Variants in LGI2 observed in about 807,000 individuals in gnomAD.
The protein encoded by LGI2 is leucine rich repeat LGI family member 2.
LGI2 carries 30 observed loss-of-function variants against 52.0 expected under a neutral mutation model. The observed-to-expected ratio is 0.58, with a 90% CI of 0.43 to 0.78. The LOEUF (loss-of-function observed/expected upper bound fraction) is 0.78. Ranked by LOEUF, LGI2 falls within the 30% of genes least tolerant of loss-of-function variation. LGI2 has a pLI of 0.00. For synonymous variants in LGI2, 270 were observed against 271.8 expected (o/e 0.99, Z 0.06); for missense variants, 573 against 692.5 (o/e 0.83, Z 1.94).
rs553432858 is a variant in LGI2, at chr4:25,008,791, G to A, written c.820+3544C>T. 8.5e-5 allele frequency among the ~76,000 whole-genome samples: 13 copies of A among 152,240 alleles called. No individual in the cohort carries two copies. The South Asian group carries it at 1.0e-3, about 12-fold the overall frequency. ...AGGCTTGGTGGTAAAAAGAGGAGCC[G>A]GGTGGGCTTCATGTCATGCCGCCAA... On this transcript the variant is annotated intron_variant, in intron 7 of 7. Coordinates refer to ENST00000382114, the MANE Select transcript of LGI2 (RefSeq NM_018176.4).
Position 25,001,958 on chromosome 4 carries a change from T to C in LGI2, c.*1493A>G, listed in dbSNP as rs889810777. On this transcript the variant is annotated 3_prime_UTR_variant, in exon 8 of 8. Transcript: ENST00000382114. ...AGGAATGAAGTTGTTGGGTTTCTCT[T>C]TCAGAGCTACCCCTAAAGGCATTCA... 6.6e-6 allele frequency: 1 copy of C among 152,238 alleles called. No individual in the cohort carries two copies. Among genetic ancestry groups the C allele is most frequent in the East Asian group, 1.9e-4 (1 of 5,202 alleles). The allele number at this position is 152,238 out of a possible 1,614,324, so 9.4% of individuals were successfully genotyped here. A position where few individuals can be genotyped will look rare whatever the true frequency, so the allele number is the denominator to read the frequency against.
intron 4 of LGI2, among the ~76,000 whole-genome samples, chr4:25,022,327 C>T (rs1725996613): frequency 6.6e-6 from 1 of 152,166 alleles, no homozygotes; most frequent in African/African-American, 2.4e-5. Flanking sequence ...GAAGAAACAG[C>T]ATCCCGGGCA....
At chr4:25,008,000 T>C (rs781648427) in intron 7 of LGI2, among the ~76,000 whole-genome samples, 2 of 152,214 alleles carry the variant, frequency 1.3e-5, no homozygotes, top group Admixed American at 6.5e-5. Context: ...TAGGGCAGTG[T>C]CCTTGCCTAC....
intron 7 of LGI2, among the ~76,000 whole-genome samples, chr4:25,006,744 G>C (rs1725402467): frequency 6.6e-6 from 1 of 152,070 alleles, no homozygotes; most frequent in African/African-American, 2.4e-5. Context: ...ACTATTCTTA[G>C]CATCATCATC....
At chr4:25,014,847 AAAAAAAAGAG>A (rs1338873949) in intron 6 of LGI2, among the ~76,000 whole-genome samples, 7,460 of 142,148 alleles carry the variant, frequency 0.052, 136 homozygotes, top group East Asian at 0.093. Flanking sequence ...AAAAAAAAAA[AAAAAAAAGAG>A]AGAGAGAGAG....
At chr4:25,017,368 C>A (rs796820248) in intron 6 of LGI2, among the ~76,000 whole-genome samples, 33 of 151,538 alleles carry the variant, frequency 2.2e-4, no homozygotes, top group African/African-American at 8.0e-4. Context: ...ATGGTGAAAC[C>A]CCGTCTCTAC....
intron 6 of LGI2, among the ~76,000 whole-genome samples, chr4:25,017,128 A>G (rs906258914): frequency 6.6e-6 from 1 of 152,172 alleles, no homozygotes; most frequent in Non-Finnish European, 1.5e-5. Flanking sequence ...TTTTCCCTCG[A>G]TATGAGCTGT....
chr4:25,014,830 C>CA (rs60168915), intron 6 of LGI2, among the ~76,000 whole-genome samples: 1,075 of 85,710 alleles, frequency 0.013, 22 homozygotes, highest in African/African-American at 0.032. Flanking sequence ...GACCTTGTCT[C>CA]AAAAAAAAAA....
chr4:25,028,694 G>T, intron 1 of LGI2, 116 bp from the exon 2 acceptor site: 1 of 814,642 alleles, frequency 1.2e-6, no homozygotes, highest in Non-Finnish European at 2.0e-6. Context: ...TCAGGAGTGA[G>T]GCATAGCACA....
chr4:25,011,919 T>C lies in LGI2; in HGVS notation c.820+416A>G, dbSNP rs1214112042. Among the ~76,000 whole-genome samples, 8 of 152,262 alleles carry C rather than the reference T, an allele frequency of 5.3e-5. No homozygotes were observed. The East Asian group carries it at 5.8e-4, about 11-fold the overall frequency. On this transcript the variant is annotated intron_variant, in intron 7 of 7. Coordinates refer to ENST00000382114, the MANE Select transcript of LGI2 (RefSeq NM_018176.4). ...AGCAAAGGGCACTAGGAACAAACTA[T>C]AGGGTATGTGTGTGTGTGTGTTTGT...
rs1261968231 is a variant in LGI2 at position 25,000,952 on chromosome 4, T to C, written c.*2499A>G. On this transcript the variant is annotated 3_prime_UTR_variant, in exon 8 of 8. Coordinates refer to ENST00000382114, the MANE Select transcript of LGI2 (RefSeq NM_018176.4). ...CGTGCCAAGAACATCTATGCTCCTT[T>C]AGTAAGTTGGCCAGAACAAATATCT... 1 of 152,218 alleles carries C rather than the reference T, an allele frequency of 6.6e-6. No individual in the cohort carries two copies. The highest frequency in any genetic ancestry group is 1.9e-4 in the East Asian group (1 of 5,206). The allele number at this position is 152,218 out of a possible 1,614,324, so 9.4% of individuals were successfully genotyped here.
chr4:25,003,270 T>G lies in LGI2; in HGVS notation c.*181A>C. ...ATGGTAGAATGGGCATGTCATGCAG[T>G]TAGCCAATAAATGCAATCCCTGATT... On this transcript the variant is annotated 3_prime_UTR_variant, in exon 8 of 8. Coordinates refer to ENST00000382114, the MANE Select transcript of LGI2 (RefSeq NM_018176.4). 1.9e-6 allele frequency: 1 copy of G among 536,364 alleles called. No homozygotes were observed. Among genetic ancestry groups the G allele is most frequent in the Non-Finnish European group, 3.2e-6 (1 of 309,188 alleles). The allele number at this position is 536,364 out of a possible 1,614,324, so 33.2% of individuals were successfully genotyped here.
intron 1 of LGI2, among the ~76,000 whole-genome samples, chr4:25,030,103 C>CAA (rs1255607359): frequency 6.6e-6 from 1 of 151,846 alleles, no homozygotes; most frequent in Admixed American, 6.6e-5. Context: ...CACACACACA[C>CAA]ACACGCACAC....
In LGI2 at chr4:25,001,642, G is replaced by A. The variant is rs1042397917; in HGVS notation, c.*1809C>T. 1 of 152,172 alleles carries A rather than the reference G, an allele frequency of 6.6e-6. No homozygotes were observed. Among genetic ancestry groups the A allele is most frequent in the Non-Finnish European group, 1.5e-5 (1 of 68,020 alleles). 9.4% of individuals were successfully genotyped at this position (152,172 alleles called of 1,614,324 possible). On this transcript the variant is annotated 3_prime_UTR_variant, in exon 8 of 8. Transcript: ENST00000382114. ...TCTCCTGTTTGCTTGGTATTTTGCAGAAGTTTCAAGTAACAACACTACTAT... is the reference window on the plus strand; with the variant it reads ...TCTCCTGTTTGCTTGGTATTTTGCAAAAGTTTCAAGTAACAACACTACTAT...
In LGI2 at chr4:25,003,797, G is replaced by T. The variant is rs772660687; in HGVS notation, c.1292C>A (p.Thr431Asn). The T allele has an allele frequency of 3.3e-5, 54 of 1,614,092 alleles. No homozygotes were observed. In the South Asian group the frequency reaches 5.8e-4, roughly 17 times the overall value. The change falls in exon 8 of 8, where the codon ACC (threonine) becomes AAC (asparagine). Residue 431 changes from threonine to asparagine, a missense_variant. Transcript: ENST00000382114. The stretch of plus-strand genomic sequence containing the variant: ...GAAGCGGGTAAGGGAAAGGTAGAGG[G>T]TATTTTGCATTCGGAAGCTCTTCAC... ...LAVKSFRMQNTLYLSLTRFIG... is the reference protein window; with the variant it reads ...LAVKSFRMQNNLYLSLTRFIG...
intron 4 of LGI2, among the ~76,000 whole-genome samples, chr4:25,021,517 T>C (rs1212969805): frequency 1.3e-5 from 2 of 152,214 alleles, no homozygotes; most frequent in African/African-American, 2.4e-5. Context: ...TTTAGAGACC[T>C]GGTATCTTCT....
chr4:24,992,405 G>T, the LGI2 span, among the ~76,000 whole-genome samples: 1 of 152,162 alleles, frequency 6.6e-6, no homozygotes, highest in East Asian at 1.9e-4. Flanking sequence ...GGGTAAGTGG[G>T]TGGTCAGCAG....
At position 25,026,921 on chromosome 4, in the gene LGI2, T is replaced by C. The variant is rs1456886872; in HGVS notation, c.288A>G (p.Ser96=). 1.2e-6 allele frequency: 2 copies of C among 1,613,484 alleles called. No homozygotes were observed. The highest frequency in any genetic ancestry group is 1.7e-6 in the Non-Finnish European group (2 of 1,179,378). ...SLQLLLLNSN[S]FTIIRDDAFA... ...AAGCATCATCCCGGATGATCGTGAA[T>C]GAGTTAGAATTCAGCAATCTGAAAG... is the stretch of plus-strand genomic sequence containing the variant. Residue 96 remains serine, a synonymous_variant, in exon 3 of 8, where the codon TCA becomes TCG. Coordinates refer to ENST00000382114, the MANE Select transcript of LGI2 (RefSeq NM_018176.4).
In LGI2 at chr4:25,028,570, A is replaced by G. The variant is rs1283942171; in HGVS notation, c.206T>C (p.Val69Ala). 1 of 1,612,772 alleles carries G rather than the reference A, an allele frequency of 6.2e-7. No individual in the cohort carries two copies. The highest frequency in any genetic ancestry group is 1.3e-5 in the African/African-American group (1 of 74,906). Residue 69 changes from valine (V) to alanine (A), a missense_variant, in exon 2 of 8, where the codon GTA (valine) becomes GCA (alanine). Transcript: ENST00000382114. ...VPGDISSLSL[V>A]NGTFSEIKDR... Reference sequence around the variant, plus strand: ...CTTGATTTCTGAAAACGTCCCATTTACCAGGCTCCTACGGGCAAAAGATGA... The same window carrying G: ...CTTGATTTCTGAAAACGTCCCATTTGCCAGGCTCCTACGGGCAAAAGATGA...
Sources: allele counts gnomAD v4.1 joint callset (sites outside exome capture counted in the v4.1 genomes callset), GRCh38; gene constraint gnomAD v4.1.1; transcripts MANE v1.5; gene names NCBI Gene and HGNC (gene_info 2026-07-23, HGNC 2026-07-21).